LHFPL6: variants seen among roughly 807,000 people sequenced by gnomAD.
The protein encoded by LHFPL6 is LHFPL tetraspan subfamily member 6 protein.
LHFPL6 carries 9 observed loss-of-function variants against 20.6 expected under a neutral mutation model. That is an observed-to-expected ratio of 0.44 (90% CI 0.26 to 0.76). The LOEUF is 0.76. Among genes scored for constraint, LHFPL6 ranks in the 30% least tolerant of loss-of-function variants. LHFPL6 has a pLI of 0.20. For synonymous variants in LHFPL6, 105 were observed against 98.7 expected (o/e 1.06, Z -0.38); for missense variants, 218 against 253.5 (o/e 0.86, Z 0.95).
rs1293519794 is a variant in LHFPL6 at position 39,378,445 on chromosome 13, G to A, written c.467C>T (p.Ser156Phe). ...EEVRQTCGYT[S>F]GQFDLGKCEI... ...AAGCTTACCCAGGTCAAACTGGCCA[G>A]AAGTGTAGCCACAAGTCTGCCGGAC... The change falls in exon 3 of 4, where the codon TCT (serine) becomes TTT (phenylalanine). Residue 156 changes from serine to phenylalanine, a missense_variant. Transcript: ENST00000379589. The A allele has an allele frequency of 6.2e-7, 1 of 1,613,728 alleles. No homozygotes were observed. Among genetic ancestry groups the A allele is most frequent in the African/African-American group, 1.3e-5 (1 of 74,896 alleles).
chr13:39,404,326 G>A (rs1316293158), intron 2 of LHFPL6, among the ~76,000 whole-genome samples: 1 of 152,106 alleles, frequency 6.6e-6, no homozygotes, highest in African/African-American at 2.4e-5. Context: ...GATCCAACAA[G>A]CAAGCCTTCT....
At chr13:39,419,172 C>T (rs1038224665) in intron 2 of LHFPL6, among the ~76,000 whole-genome samples, 1 of 152,176 alleles carries the variant, frequency 6.6e-6, no homozygotes, top group Non-Finnish European at 1.5e-5. Flanking sequence ...AGGCTGCACT[C>T]CCTTTTGTCC....
At chr13:39,509,987 A>G (rs1056981532) in intron 2 of LHFPL6, among the ~76,000 whole-genome samples, 1 of 152,204 alleles carries the variant, frequency 6.6e-6, no homozygotes, top group African/African-American at 2.4e-5. Context: ...CAGACGATAT[A>G]AAAGTAACAA....
intron 2 of LHFPL6, among the ~76,000 whole-genome samples, chr13:39,555,127 T>C (rs1409494692): frequency 2.0e-5 from 3 of 152,188 alleles, no homozygotes; most frequent in Non-Finnish European, 4.4e-5. Flanking sequence ...AATATTACAA[T>C]ACAGCATCAG....
intron 2 of LHFPL6, among the ~76,000 whole-genome samples, chr13:39,513,988 C>G (rs1869814502): frequency 6.6e-6 from 1 of 152,084 alleles, no homozygotes; most frequent in African/African-American, 2.4e-5. Flanking sequence ...ACTCTGGAAA[C>G]CCAACAATTA....
intron 2 of LHFPL6, among the ~76,000 whole-genome samples, chr13:39,399,432 A>G (rs987583993): frequency 6.6e-6 from 1 of 152,246 alleles, no homozygotes; most frequent in Admixed American, 6.5e-5. Flanking sequence ...TTATTAGAGG[A>G]GGAAAATGAT....
intron 2 of LHFPL6, among the ~76,000 whole-genome samples, chr13:39,413,585 G>GT (rs10549523): frequency 2.1e-5 from 3 of 144,852 alleles, no homozygotes; most frequent in African/African-American, 7.6e-5. Flanking sequence ...CAACCGACTA[G>GT]TTTTTTTTTT....
intron 2 of LHFPL6, among the ~76,000 whole-genome samples, chr13:39,435,329 G>A (rs1871929378): frequency 6.6e-6 from 1 of 152,104 alleles, no homozygotes; most frequent in African/African-American, 2.4e-5. Context: ...AACCCACATT[G>A]ACAGTTGCCA....
chr13:39,566,615 C>T (rs1871724824), intron 2 of LHFPL6, among the ~76,000 whole-genome samples: 1 of 151,144 alleles, frequency 6.6e-6, no homozygotes, highest in Non-Finnish European at 1.5e-5. Context: ...TACCTGTAGT[C>T]CCAGGTACTC....
At chr13:39,394,038 C>T (rs1870776160) in intron 2 of LHFPL6, among the ~76,000 whole-genome samples, 1 of 152,106 alleles carries the variant, frequency 6.6e-6, no homozygotes, top group African/African-American at 2.4e-5. Context: ...ACTACTTGGG[C>T]TAAAGCAATC....
At chr13:39,480,506 G>A (rs1868475412) in intron 2 of LHFPL6, among the ~76,000 whole-genome samples, 1 of 152,184 alleles carries the variant, frequency 6.6e-6, no homozygotes, top group Non-Finnish European at 1.5e-5. Flanking sequence ...AACCCCCTGA[G>A]ATACAGGCCA....
intron 2 of LHFPL6, among the ~76,000 whole-genome samples, chr13:39,379,725 ACCCTGAGGAAAGGCCT>A (rs1031572553): frequency 6.6e-6 from 1 of 152,004 alleles, no homozygotes; most frequent in South Asian, 2.1e-4. Flanking sequence ...GTCCTCAACT[ACCCTGAGGAAAGGCCT>A]CCCTAAGGAA....
chr13:39,464,838 A>G (rs2138431690), intron 2 of LHFPL6, among the ~76,000 whole-genome samples: 1 of 152,106 alleles, frequency 6.6e-6, no homozygotes, highest in East Asian at 1.9e-4. Flanking sequence ...ATAACATACA[A>G]TGGGGGAAAA....
chr13:39,502,312 G>A (rs1869319073), intron 2 of LHFPL6, among the ~76,000 whole-genome samples: 1 of 152,082 alleles, frequency 6.6e-6, no homozygotes, highest in Admixed American at 6.5e-5. Context: ...AGTCAACTCA[G>A]CAGCATATTA....
chr13:39,404,229 C>T (rs957076105), intron 2 of LHFPL6, among the ~76,000 whole-genome samples: 1 of 152,164 alleles, frequency 6.6e-6, no homozygotes, highest in Non-Finnish European at 1.5e-5. Context: ...CTTTAAACTT[C>T]TTAGTTGCTA....
chr13:39,435,284 A>G (rs1025865442), intron 2 of LHFPL6, among the ~76,000 whole-genome samples: 2 of 152,104 alleles, frequency 1.3e-5, no homozygotes, highest in Admixed American at 6.5e-5. Flanking sequence ...TCCAGACTTG[A>G]GCATTGGGCT....
chr13:39,579,007 T>C (rs1027872601), intron 2 of LHFPL6, among the ~76,000 whole-genome samples: 3 of 152,186 alleles, frequency 2.0e-5, no homozygotes, highest in Non-Finnish European at 4.4e-5. Context: ...CTCGTGTAAC[T>C]AGTGCACAAG....
At chr13:39,411,236 TCCTTATTTTTA>T (rs1871235731) in intron 2 of LHFPL6, among the ~76,000 whole-genome samples, 1 of 152,180 alleles carries the variant, frequency 6.6e-6, no homozygotes, top group African/African-American at 2.4e-5. Flanking sequence ...AGATCTGCTT[TCCTTATTTTTA>T]TGTCCACACC....
chr13:39,591,808 T>C lies in LHFPL6; in HGVS notation c.385+9024A>G, dbSNP rs140241114. On this transcript the variant is annotated intron_variant, in intron 2 of 3. Transcript: ENST00000379589. Reference sequence around the variant, plus strand: ...CTACTAGAAAGCTAAAAGAATATTGTATTGAGGTTGGGTGCAGTGGCTGAC... The same window carrying C: ...CTACTAGAAAGCTAAAAGAATATTGCATTGAGGTTGGGTGCAGTGGCTGAC... 6.6e-4 allele frequency among the ~76,000 whole-genome samples: 101 copies of C among 152,094 alleles called. No individual in the cohort carries two copies. In the East Asian group the frequency reaches 0.019, roughly 28 times the overall value.
Sources: gnomAD v4.1 joint callset for allele counts (sites outside exome capture counted in the v4.1 genomes callset) on GRCh38, gnomAD v4.1.1 for gene constraint, MANE v1.5 for transcripts, NCBI Gene and HGNC (gene_info 2026-07-23, HGNC 2026-07-21) for gene names.